Variants in FER observed in about 807,000 individuals in gnomAD.
The protein encoded by FER is FER tyrosine kinase.
FER carries 63 observed loss-of-function variants against 111.0 expected under a neutral mutation model. The observed-to-expected ratio is 0.57, with a 90% CI of 0.46 to 0.70. The LOEUF is 0.70. Among genes scored for constraint, FER ranks in the 30% least tolerant of loss-of-function variants. The pLI, the probability that FER is intolerant of heterozygous loss-of-function variation, is 0.00. For synonymous variants in FER, 327 were observed against 313.9 expected, an observed-to-expected ratio of 1.04 and a Z score of -0.44; for missense variants, 914 against 954.0, an observed-to-expected ratio of 0.96 and a Z score of 0.55.
In FER at chr5:109,037,405, C is replaced by G; in HGVS notation, c.1657-17C>G. 1 of 1,606,862 alleles carries G rather than the reference C, an allele frequency of 6.2e-7. No individual in the cohort carries two copies. The highest frequency in any genetic ancestry group is 8.5e-7 in the Non-Finnish European group (1 of 1,174,428). On this transcript the variant is annotated splice_polypyrimidine_tract_variant and intron_variant, in intron 13 of 19. Transcript: ENST00000281092. ...CCCTTGCTTGTACTAAACAACTGTT[C>G]TTATTCTTTGCTGTAGGACAAGAAA...
intron 13 of FER, among the ~76,000 whole-genome samples, chr5:108,961,204 A>G (rs1480280865): frequency 6.6e-6 from 1 of 152,222 alleles, no homozygotes; most frequent in African/African-American, 2.4e-5. Flanking sequence ...AGATTAGGTT[A>G]ACAAAATATA....
intron 17 of FER, among the ~76,000 whole-genome samples, chr5:109,129,112 T>C (rs1483520067): frequency 2.6e-5 from 4 of 152,052 alleles, no homozygotes; most frequent in Non-Finnish European, 2.9e-5. Flanking sequence ...TGTACATAAA[T>C]GGTGTTGGAA....
intron 3 of FER, among the ~76,000 whole-genome samples, chr5:108,807,909 T>C (rs966062803): frequency 7.2e-5 from 11 of 152,246 alleles, no homozygotes; most frequent in Non-Finnish European, 1.0e-4. Flanking sequence ...TTTAATTTCA[T>C]GTAATTGTGT....
intron 16 of FER, among the ~76,000 whole-genome samples, chr5:109,081,759 A>G (rs1465269217): frequency 6.6e-6 from 1 of 152,010 alleles, no homozygotes; most frequent in Non-Finnish European, 1.5e-5. Flanking sequence ...AATTCTCAAG[A>G]ACTTTTTCTT....
chr5:109,109,341 A>G (rs1749320790), intron 17 of FER, among the ~76,000 whole-genome samples: 1 of 152,138 alleles, frequency 6.6e-6, no homozygotes, highest in African/African-American at 2.4e-5. Flanking sequence ...GCATGTATTT[A>G]TATAGACACA....
chr5:108,847,563 AT>A (rs1471684745), intron 5 of FER, among the ~76,000 whole-genome samples: 5 of 152,052 alleles, frequency 3.3e-5, no homozygotes, highest in African/African-American at 1.2e-4. Context: ...GTTCTTAACA[AT>A]TTTTTTGTCT....
chr5:109,133,739 T>G (rs1226352212), intron 17 of FER, among the ~76,000 whole-genome samples: 2 of 152,170 alleles, frequency 1.3e-5, no homozygotes, highest in Non-Finnish European at 2.9e-5. Context: ...CAAAACTATA[T>G]TCTATGTATT....
intron 5 of FER, among the ~76,000 whole-genome samples, chr5:108,847,733 C>T (rs1762158624): frequency 6.6e-6 from 1 of 151,988 alleles, no homozygotes; most frequent in African/African-American, 2.4e-5. Context: ...TTTTGATGAC[C>T]TGACTACTTT....
At chr5:109,076,182 C>A (rs183850853) in intron 16 of FER, among the ~76,000 whole-genome samples, 2 of 151,874 alleles carry the variant, frequency 1.3e-5, no homozygotes, top group Admixed American at 6.6e-5. Flanking sequence ...AGAAAGATAG[C>A]GAAATCAGTA....
chr5:109,116,145 T>C (rs569006980), intron 17 of FER, among the ~76,000 whole-genome samples: 2 of 152,092 alleles, frequency 1.3e-5, no homozygotes, highest in Admixed American at 1.3e-4. Flanking sequence ...GTCTCTATGC[T>C]CCCTTGGCCA....
At chr5:109,180,236 A>G (rs570432266) in intron 17 of FER, among the ~76,000 whole-genome samples, 1 of 152,236 alleles carries the variant, frequency 6.6e-6, no homozygotes, top group South Asian at 2.1e-4. Flanking sequence ...CCACTTTCCA[A>G]CCTTTGGGAA....
intron 18 of FER, among the ~76,000 whole-genome samples, chr5:109,181,200 T>C (rs6594350): frequency 0.78 from 119,207 of 152,082 alleles, 46,961 homozygotes; most frequent in African/African-American, 0.83. Context: ...GTAAGCGTTG[T>C]TGTGGCTCTG....
At chr5:108,925,196 T>C (rs576849876) in intron 10 of FER, among the ~76,000 whole-genome samples, 1 of 151,626 alleles carries the variant, frequency 6.6e-6, no homozygotes, top group South Asian at 2.1e-4. Context: ...ATATTAAGAT[T>C]TCTATTTTTC....
chr5:109,069,511 A>G (rs1775523637), intron 16 of FER, among the ~76,000 whole-genome samples: 1 of 152,172 alleles, frequency 6.6e-6, no homozygotes, highest in Admixed American at 6.5e-5. Flanking sequence ...ACAGGGTTAA[A>G]TGATAAAATA....
In FER at chr5:109,196,572, GTCTA is replaced by G. The variant is rs771771458; in HGVS notation, c.*9001_*9004del. 6.6e-5 allele frequency: 10 copies of G among 152,182 alleles called. No homozygotes were observed. The highest frequency in any genetic ancestry group is 5.8e-4 in the East Asian group (3 of 5,176). The allele number at this position is 152,182 out of a possible 1,614,324, so 9.4% of individuals were successfully genotyped here. A position where few individuals can be genotyped will look rare whatever the true frequency, so the allele number is the denominator to read the frequency against. On this transcript the variant is annotated 3_prime_UTR_variant, in exon 20 of 20. Transcript: ENST00000281092. ...AGCTAAATATATAAAGCAGTTGGTTGTCTATCTTTTATCATTTTTACTCAGATCT... is the reference window on the plus strand; with the variant it reads ...AGCTAAATATATAAAGCAGTTGGTTGTCTTTTATCATTTTTACTCAGATCT...
chr5:108,898,321 A>C (rs1456529152), intron 10 of FER, among the ~76,000 whole-genome samples: 5 of 152,162 alleles, frequency 3.3e-5, no homozygotes, highest in Non-Finnish European at 1.5e-5. Flanking sequence ...TACAATAAAT[A>C]CATTCAAATT....
chr5:108,804,390 G>T (rs1391212914), intron 3 of FER, among the ~76,000 whole-genome samples: 1 of 152,158 alleles, frequency 6.6e-6, no homozygotes, highest in African/African-American at 2.4e-5. Context: ...TGGTGAGAGT[G>T]TGCATCCTTG....
chr5:108,954,739 T>C lies in FER; in HGVS notation c.1340T>C (p.Met447Thr), dbSNP rs1758217277. The change falls in exon 12 of 20, where the codon ATG (methionine) becomes ACG (threonine). Residue 447 changes from methionine to threonine, a missense_variant. This residue lies in a region of FER where 774 missense variants were observed against 782.6 expected (regional missense o/e 0.99). Coordinates refer to ENST00000281092, the MANE Select transcript of FER (RefSeq NM_005246.4). ...TAATATTTGTTTAAGCTTTCTGATA[T>C]GATCTCCATCAGTGAGAAGCCTTTG... Reference protein sequence around the residue: ...SALGSSALSDMISISEKPLAE... With the variant: ...SALGSSALSDTISISEKPLAE... 4 of 1,577,018 alleles carry C rather than the reference T, an allele frequency of 2.5e-6. No individual in the cohort carries two copies. The highest frequency in any genetic ancestry group is 2.4e-5 in the South Asian group (2 of 82,230).
At chr5:108,954,482 T>C (rs750772379) in intron 11 of FER, among the ~76,000 whole-genome samples, 23 of 152,106 alleles carry the variant, frequency 1.5e-4, no homozygotes, top group Non-Finnish European at 2.6e-4. Flanking sequence ...TTATCAGTGC[T>C]AACTCTAAAT....
Sources: allele counts gnomAD v4.1 joint callset (sites outside exome capture counted in the v4.1 genomes callset), GRCh38; gene constraint gnomAD v4.1.1; regional missense constraint gnomAD v4.1.1; transcripts MANE v1.5; gene names NCBI Gene and HGNC (gene_info 2026-07-23, HGNC 2026-07-21).